BYSL: variants seen among roughly 807,000 people sequenced by gnomAD.
BYSL encodes the protein bystin.
Under a neutral mutation model 45.4 loss-of-function variants are expected in BYSL, and 21 were observed. The ratio of observed to expected loss-of-function variants is 0.46; its 90% CI spans 0.33 to 0.67. The LOEUF (loss-of-function observed/expected upper bound fraction) is 0.67, where lower values mean the gene tolerates loss of function less well. BYSL is among the 30% of genes least tolerant of loss of function. The pLI is 0.02. For missense variants in BYSL, 522 were observed against 578.5 expected (o/e 0.90, Z 1.00); for synonymous variants, 215 against 231.3 (o/e 0.93, Z 0.64).
rs114683057 is a variant in BYSL at position 41,929,406 on chromosome 6, G to T, written c.432-726G>T. Among the ~76,000 whole-genome samples the T allele has an allele frequency of 7.5e-3, 1,140 of 152,320 alleles. 13 individuals are homozygous for T. The highest frequency in any genetic ancestry group is 0.026 in the African/African-American group (1,077 of 41,560). ...CCAGCTACTCGAGAGACTGAGGCGG[G>T]AAGATCGCTTGAGCCAGAGAGATAG... On this transcript the variant is annotated intron_variant, in intron 2 of 6. Coordinates refer to ENST00000230340, the MANE Select transcript of BYSL (RefSeq NM_004053.4).
upstream of BYSL, among the ~76,000 whole-genome samples, chr6:41,918,356 T>C (rs1775369764): frequency 6.7e-6 from 1 of 149,884 alleles, no homozygotes; most frequent in Admixed American, 6.7e-5. Flanking sequence ...ATACAAAACT[T>C]AGCCAGGCAT....
the BYSL span, among the ~76,000 whole-genome samples, chr6:41,909,683 CTA>C: frequency 6.6e-6 from 1 of 152,134 alleles, no homozygotes; most frequent in Non-Finnish European, 1.5e-5. Context: ...ACAGCCTTTT[CTA>C]GAAAGGTAGG....
chr6:41,924,123 C>T (rs954505818), intron 1 of BYSL, among the ~76,000 whole-genome samples: 2 of 151,536 alleles, frequency 1.3e-5, no homozygotes, highest in East Asian at 1.9e-4. Flanking sequence ...TGCAATACCA[C>T]GATCTCGGCT....
chr6:41,930,673 A>AT lies in BYSL; in HGVS notation c.612dup (p.Lys205Ter). 1 of 1,613,858 alleles carries AT rather than the reference A, an allele frequency of 6.2e-7. No homozygotes were observed. On this transcript the variant is annotated frameshift_variant, in exon 4 of 7. Coordinates refer to ENST00000230340, the MANE Select transcript of BYSL (RefSeq NM_004053.4). LOFTEE classifies it high-confidence loss of function. ...ACCGCAGTGGAAAACTGCCCAAGGCATTTAAGATCATCCCTGCACTCTCCA... is the reference window on the plus strand; with the variant it reads ...ACCGCAGTGGAAAACTGCCCAAGGCATTTTAAGATCATCCCTGCACTCTCCA...
chr6:41,925,924 T>C (rs2127385135), intron 1 of BYSL, among the ~76,000 whole-genome samples: 1 of 152,140 alleles, frequency 6.6e-6, no homozygotes, highest in African/African-American at 2.4e-5. Flanking sequence ...AATCTCATGA[T>C]CCACCCGCCT....
chr6:41,930,738 G>A lies in BYSL; in HGVS notation c.674G>A (p.Trp225Ter), dbSNP rs1171647899. ...QILYVTEPEA[W>*]TAAAMYQATR... ...CTCTACGTCACAGAGCCGGAGGCCTGGACTGCAGCTGCCATGTACCAGGCC... is the reference window on the plus strand; with the variant it reads ...CTCTACGTCACAGAGCCGGAGGCCTAGACTGCAGCTGCCATGTACCAGGCC... The change falls in exon 4 of 7, where the codon TGG (tryptophan) becomes TAG (stop). Residue 225 changes from tryptophan to a stop codon, truncating the protein, a stop_gained. Transcript: ENST00000230340. LOFTEE classifies it high-confidence loss of function. The A allele has an allele frequency of 1.9e-6, 3 of 1,613,848 alleles. No individual in the cohort carries two copies. The highest frequency in any genetic ancestry group is 2.5e-6 in the Non-Finnish European group (3 of 1,179,940).
the BYSL span, among the ~76,000 whole-genome samples, chr6:41,910,304 T>A: frequency 2.5e-3 from 376 of 152,188 alleles, 2 homozygotes; most frequent in African/African-American, 8.6e-3. Flanking sequence ...GCAATAAAAA[T>A]GGAAAGCTAT....
chr6:41,912,044 CCTTTT>C, the BYSL span, among the ~76,000 whole-genome samples: 24 of 150,616 alleles, frequency 1.6e-4, no homozygotes, highest in South Asian at 2.1e-4. Context: ...ATAACATTTT[CCTTTT>C]CTTCTTTTTT....
At chr6:41,927,156 C>T (rs1199343911) in intron 1 of BYSL, among the ~76,000 whole-genome samples, 7 of 151,910 alleles carry the variant, frequency 4.6e-5, no homozygotes. Context: ...TTATTTATGG[C>T]CATTGCTTTT....
chr6:41,916,968 T>A (rs1470583119), upstream of BYSL: 1 of 1,612,768 alleles, frequency 6.2e-7, no homozygotes, highest in East Asian at 2.2e-5. Flanking sequence ...AATCGTCAGT[T>A]ATCCAGAGAC....
intron 1 of BYSL, among the ~76,000 whole-genome samples, chr6:41,923,439 G>T (rs1026628101): frequency 6.6e-6 from 1 of 152,016 alleles, no homozygotes; most frequent in African/African-American, 2.4e-5. Context: ...TGAGATTACA[G>T]GCGTGAGCCA....
Position 41,932,650 on chromosome 6 carries a change from G to C in BYSL, c.1258G>C (p.Glu420Gln). The change falls in exon 7 of 7, where the codon GAG becomes CAG. Residue 420 changes from glutamate to glutamine, a missense_variant. By Grantham distance (29) the Glu-to-Gln change is conservative (BLOSUM62 2). Transcript: ENST00000230340. The surrounding 1 kb of genome is among the most constrained non-coding windows in gnomAD (Gnocchi z 4.7). ...HPQLSPEIRR[E>Q]LQSAVPRDVE... ...ACAGCTATCGCCCGAAATCAGGCGT[G>C]AGCTTCAGAGTGCAGTCCCCCGCGA... 1 of 1,614,216 alleles carries C rather than the reference G, an allele frequency of 6.2e-7. No homozygotes were observed. The highest frequency in any genetic ancestry group is 8.5e-7 in the Non-Finnish European group (1 of 1,180,042).
chr6:41,913,942 T>A, the BYSL span, among the ~76,000 whole-genome samples: 3 of 152,200 alleles, frequency 2.0e-5, no homozygotes, highest in South Asian at 6.2e-4. Flanking sequence ...ATGCTTTGTA[T>A]GTATTAACTT....
At chr6:41,920,828 G>A, upstream of BYSL, 2 of 638,332 alleles carry the variant, frequency 3.1e-6, no homozygotes, top group Non-Finnish European at 2.5e-6. Flanking sequence ...CAAGAGGAAG[G>A]GGCGCATCTC....
upstream of BYSL, chr6:41,920,910 C>G: frequency 6.6e-7 from 1 of 1,510,480 alleles, no homozygotes; most frequent in Non-Finnish European, 8.9e-7. Flanking sequence ...GGACATCTCC[C>G]TCAGCTCCCA....
chr6:41,933,026 C>T lies in BYSL; in HGVS notation c.*320C>T. ...TGTGTCAGGTCACTGTGGATAAAGG[C>T]AAAGACAGATATTTATTGAACCTCT... On this transcript the variant is annotated 3_prime_UTR_variant, in exon 7 of 7. Transcript: ENST00000230340. 1 of 327,276 alleles carries T rather than the reference C, an allele frequency of 3.1e-6. No homozygotes were observed. Among genetic ancestry groups the T allele is most frequent in the East Asian group, 6.1e-5 (1 of 16,320 alleles). 20.3% of individuals were successfully genotyped at this position (327,276 alleles called of 1,614,324 possible).
At position 41,930,622 on chromosome 6, in the gene BYSL, C is replaced by T. The variant is rs773466171; in HGVS notation, c.571-13C>T. The T allele has an allele frequency of 6.2e-7, 1 of 1,600,314 alleles. No individual in the cohort carries two copies. The highest frequency in any genetic ancestry group is 1.3e-5 in the African/African-American group (1 of 74,354). ...GTGGATGACGATGATTGTTTTACCT[C>T]CCTCATCCCTAGGTATTATCTAAGT... is the stretch of plus-strand genomic sequence containing the variant. On this transcript the variant is annotated splice_polypyrimidine_tract_variant and intron_variant, in intron 3 of 6. Coordinates refer to ENST00000230340, the MANE Select transcript of BYSL (RefSeq NM_004053.4).
upstream of BYSL, among the ~76,000 whole-genome samples, chr6:41,919,428 C>G (rs887993433): frequency 6.6e-6 from 1 of 152,142 alleles, no homozygotes; most frequent in Non-Finnish European, 1.5e-5. Flanking sequence ...CTAAATGAAT[C>G]TATTAAGGTA....
chr6:41,931,466 C>T lies in BYSL; in HGVS notation c.775C>T (p.Arg259Ter). Residue 259 changes from arginine (R) to a stop codon, truncating the protein, a stop_gained, in exon 5 of 7, where the codon CGA becomes TGA. Coordinates refer to ENST00000230340, the MANE Select transcript of BYSL (RefSeq NM_004053.4). LOFTEE classifies it high-confidence loss of function. ...FYNLVLLPRV[R>*]DDVAEYKRLN... is the part of the protein sequence containing the mutation. ...CAACCTTGTCCTGCTCCCTCGAGTA[C>T]GAGATGACGTTGCTGAATACAAACG... The T allele has an allele frequency of 2.5e-6, 4 of 1,614,136 alleles. No homozygotes were observed. The highest frequency in any genetic ancestry group is 3.4e-6 in the Non-Finnish European group (4 of 1,180,008).
Sources: allele counts gnomAD v4.1 joint callset (sites outside exome capture counted in the v4.1 genomes callset), GRCh38; gene constraint gnomAD v4.1.1; non-coding constraint Gnocchi (gnomAD v3.1); transcripts MANE v1.5; gene names NCBI Gene and HGNC (gene_info 2026-07-23, HGNC 2026-07-21).